C7: variants seen among roughly 807,000 people sequenced by gnomAD.
The protein encoded by C7 is complement C7.
Under a neutral mutation model 104.8 loss-of-function variants are expected in C7, and 83 were observed. The observed-to-expected ratio is 0.79, with a 90% confidence interval of 0.66 to 0.95. The LOEUF (loss-of-function observed/expected upper bound fraction) is 0.95. Ranked by LOEUF, C7 falls within the 40% of genes least tolerant of loss-of-function variation. C7 has a pLI of 0.00. For missense variants in C7, 1,070 were observed against 1,011.2 expected (o/e 1.06, Z -0.79); for synonymous variants, 415 against 360.6 (o/e 1.15, Z -1.71).
chr5:40,968,567 T>TA (rs1740610511), intron 14 of C7, among the ~76,000 whole-genome samples: 1 of 55,194 alleles, frequency 1.8e-5, no homozygotes, highest in African/African-American at 8.5e-5. Context: ...TTATATATAT[T>TA]TTATATATAT....
In C7 at chr5:40,947,703, T is replaced by G. The variant is rs766169920; in HGVS notation, c.840T>G (p.Leu280=). 52 of 1,613,652 alleles carry G rather than the reference T, an allele frequency of 3.2e-5. No individual in the cohort carries two copies. Among genetic ancestry groups the G allele is most frequent in the Non-Finnish European group, 4.4e-5 (52 of 1,179,780 alleles). ...TTGCTGAGCCATTCTGGAAGGAGCT[T>G]TCCCACCTCCCCTCTCTGTATGACT... ...LQLAEPFWKE[L]SHLPSLYDYS... is the part of the protein sequence containing the mutation. The change falls in exon 8 of 18, where the codon CTT becomes CTG. Residue 280 remains leucine (L), a synonymous_variant. Coordinates refer to ENST00000313164, the MANE Select transcript of C7 (RefSeq NM_000587.4).
chr5:40,937,529 TCTC>T lies in C7; in HGVS notation c.429-11_429-9del, dbSNP rs759384138. On this transcript the variant is annotated intron_variant, in intron 5 of 17. Transcript: ENST00000313164. ...TTTTAACGGCTTTTTATTTCCTCCTTCTCCTCCTCCTCCTTTTAACAGTTACAA... is the reference window on the plus strand; with the variant it reads ...TTTTAACGGCTTTTTATTTCCTCCTTCTCCTCCTCCTTTTAACAGTTACAA... 2.2e-5 allele frequency: 34 copies of T among 1,568,530 alleles called. No homozygotes were observed. Among genetic ancestry groups the T allele is most frequent in the South Asian group, 9.7e-5 (8 of 82,694 alleles).
At chr5:40,977,572 C>G (rs1388707560) in intron 16 of C7, among the ~76,000 whole-genome samples, 5 of 152,150 alleles carry the variant, frequency 3.3e-5, no homozygotes, top group Admixed American at 2.6e-4. Flanking sequence ...TGAGGAGGAG[C>G]TGACACTCTC....
At chr5:40,974,412 T>G (rs990532775) in intron 15 of C7, among the ~76,000 whole-genome samples, 2 of 128,380 alleles carry the variant, frequency 1.6e-5, no homozygotes, top group African/African-American at 6.7e-5. Flanking sequence ...CACAAAGACA[T>G]TATAATACAT....
At chr5:40,977,447 G>A (rs181267108) in intron 16 of C7, among the ~76,000 whole-genome samples, 34 of 152,302 alleles carry the variant, frequency 2.2e-4, no homozygotes, top group Non-Finnish European at 4.0e-4. Context: ...AAGTCCCATG[G>A]CAGTATTCCT....
intron 10 of C7, among the ~76,000 whole-genome samples, chr5:40,957,625 T>C (rs1029732248): frequency 7.2e-5 from 11 of 151,922 alleles, no homozygotes; most frequent in Non-Finnish European, 1.6e-4. Context: ...CCTGCTAATT[T>C]TGTATTTTTA....
chr5:40,912,390 T>TAAATTTGAGAC, intron 1 of C7, among the ~76,000 whole-genome samples: 1 of 152,340 alleles, frequency 6.6e-6, no homozygotes, highest in Non-Finnish European at 1.5e-5. Context: ...AAAATGCTTT[T>TAAATTTGAGAC]AAATTTGAGA....
Position 40,928,630 on chromosome 5 carries a change from T to C in C7, c.57T>C (p.Phe19=). The stretch of plus-strand genomic sequence containing the variant: ...GATTTATAGGAGAGTTCCAAAGTTT[T>C]TCAAGGTGAGGACTTTTTGGGTTGT... ...LVGFIGEFQS[F]SSASSPVNCQ... Residue 19 remains phenylalanine, a synonymous_variant, in exon 2 of 18, where the codon TTT becomes TTC. Transcript: ENST00000313164. The C allele has an allele frequency of 6.5e-7, 1 of 1,547,134 alleles. No individual in the cohort carries two copies. The highest frequency in any genetic ancestry group is 8.8e-7 in the Non-Finnish European group (1 of 1,140,646).
rs371334061 is a variant in C7, at chr5:40,936,378, T to C, written c.321T>C (p.Ser107=). ...ISKSLVCNGD[S]DCDEDSADED... is the part of the protein sequence containing the mutation. ...AATCATTGGTTTGCAATGGGGATTC[T>C]GACTGTGATGAAGACAGTGCTGATG... Residue 107 remains serine (S), a synonymous_variant, in exon 5 of 18, where the codon TCT becomes TCC. Coordinates refer to ENST00000313164, the MANE Select transcript of C7 (RefSeq NM_000587.4). The C allele has an allele frequency of 1.5e-5, 25 of 1,613,336 alleles. No individual in the cohort carries two copies. In the African/African-American group the frequency reaches 2.0e-4, roughly 13 times the overall value.
intron 3 of C7, among the ~76,000 whole-genome samples, chr5:40,932,406 G>GT (rs769922291): frequency 2.6e-5 from 4 of 152,046 alleles, no homozygotes; most frequent in Non-Finnish European, 5.9e-5. Context: ...GAAATAAAAT[G>GT]TTTATCTTAA....
At chr5:40,921,161 A>G (rs1238936708) in intron 1 of C7, among the ~76,000 whole-genome samples, 1 of 152,168 alleles carries the variant, frequency 6.6e-6, no homozygotes, top group Non-Finnish European at 1.5e-5. Context: ...GCATTCCTAC[A>G]TGCTAACAGA....
Position 40,964,467 on chromosome 5 carries a change from A to G in C7, c.1750-274A>G, listed in dbSNP as rs984775998. The G allele has an allele frequency of 2.4e-5, 5 of 212,456 alleles. 1 individual carries two copies. The highest frequency in any genetic ancestry group is 4.7e-5 in the African/African-American group (2 of 42,942). The allele number at this position is 212,456 out of a possible 1,614,324, so 13.2% of individuals were successfully genotyped here. A position where few individuals can be genotyped will look rare whatever the true frequency, so the allele number is the denominator to read the frequency against. ...GACAGTGTCCAAATAATTTTAATAG[A>G]ATGTAATTTTAGTAGAATGCTTAGT... On this transcript the variant is annotated intron_variant, in intron 13 of 17. Transcript: ENST00000313164.
intron 16 of C7, among the ~76,000 whole-genome samples, chr5:40,977,092 T>C (rs1561261641): frequency 2.0e-5 from 3 of 152,204 alleles, no homozygotes; most frequent in Non-Finnish European, 1.5e-5. Flanking sequence ...GCTTGTTTTA[T>C]ATATAAAATG....
chr5:40,967,263 A>G (rs1441093049), intron 14 of C7, among the ~76,000 whole-genome samples: 8 of 151,908 alleles, frequency 5.3e-5, no homozygotes. Context: ...ATGGGTTTTC[A>G]CCATGTTGGC....
chr5:40,944,985 C>T (rs1740014464), intron 6 of C7, among the ~76,000 whole-genome samples: 1 of 152,110 alleles, frequency 6.6e-6, no homozygotes, highest in South Asian at 2.1e-4. Flanking sequence ...CTTGGGATTG[C>T]CATTGTTGGT....
intron 6 of C7, among the ~76,000 whole-genome samples, chr5:40,938,446 T>A (rs1449449893): frequency 6.6e-6 from 1 of 152,226 alleles, no homozygotes; most frequent in African/African-American, 2.4e-5. Flanking sequence ...TTTTTATTGC[T>A]GTTTCCAATT....
intron 10 of C7, among the ~76,000 whole-genome samples, chr5:40,956,116 A>G (rs866250774): frequency 1.9e-4 from 29 of 152,246 alleles, no homozygotes; most frequent in Admixed American, 3.3e-4. Context: ...CAGGTTAGAG[A>G]CACAGCACTC....
chr5:40,945,095 A>G, intron 6 of C7, 103 bp from the exon 7 acceptor site: 1 of 644,548 alleles, frequency 1.6e-6, no homozygotes, highest in Non-Finnish European at 2.7e-6. Flanking sequence ...GCTTTGTGCC[A>G]ATGAAGAGCT....
chr5:40,944,941 A>G (rs1222931941), intron 6 of C7, among the ~76,000 whole-genome samples: 1 of 152,152 alleles, frequency 6.6e-6, no homozygotes, highest in South Asian at 2.1e-4. Context: ...AGGAACATGG[A>G]AGTTGTTTGT....
Sources: allele counts gnomAD v4.1 joint callset (sites outside exome capture counted in the v4.1 genomes callset), GRCh38; gene constraint gnomAD v4.1.1; transcripts MANE v1.5; gene names NCBI Gene and HGNC (gene_info 2026-07-23, HGNC 2026-07-21).